The following AGBL4 variants were observed in gnomAD, a reference collection of about 807,000 sequenced individuals.
AGBL4 encodes the protein AGBL carboxypeptidase 4.
In AGBL4, 58 loss-of-function variants were observed where a neutral mutation model predicts 66.4. The ratio of observed to expected loss-of-function variants is 0.87; its 90% CI spans 0.71 to 1.09. AGBL4 has a LOEUF of 1.09. Among genes scored for constraint, AGBL4 ranks in the 50% least tolerant of loss-of-function variants. The pLI, the probability that AGBL4 is intolerant of heterozygous loss-of-function variation, is 0.00. For synonymous variants in AGBL4, 234 were observed against 222.9 expected (o/e 1.05, Z -0.44); for missense variants, 579 against 631.0 (o/e 0.92, Z 0.88).
intron 1 of AGBL4, among the ~76,000 whole-genome samples, chr1:49,902,281 G>A (rs1649833333): frequency 6.6e-6 from 1 of 152,120 alleles, no homozygotes; most frequent in Non-Finnish European, 1.5e-5. Flanking sequence ...TGTAAACTAT[G>A]CATCTGACAA....
Position 49,772,621 on chromosome 1 carries a change from T to C in AGBL4, c.158-75184A>G, listed in dbSNP as rs560983935. 6.6e-5 allele frequency among the ~76,000 whole-genome samples: 10 copies of C among 152,296 alleles called. No homozygotes were observed. The South Asian group carries it at 2.1e-3, about 32-fold the overall frequency. Reference sequence around the variant, plus strand: ...TTCTCTTTTATTCCTGACGTATGGATATAGTATTCTTTGCTCATGATTTTC... The same window carrying C: ...TTCTCTTTTATTCCTGACGTATGGACATAGTATTCTTTGCTCATGATTTTC... On this transcript the variant is annotated intron_variant, in intron 2 of 13. Transcript: ENST00000371839.
In AGBL4 at chr1:49,560,965, T is replaced by A. The variant is rs559015308; in HGVS notation, c.282+136348A>T. Among the ~76,000 whole-genome samples the A allele has an allele frequency of 4.6e-5, 7 of 152,222 alleles. No homozygotes were observed. In the South Asian group the frequency reaches 1.5e-3, roughly 32 times the overall value. ...CGTCCTAAAGGAATGCTAAAGGGACTTCGATCAGGAAGAAAAAGATGCCAG... is the reference window on the plus strand; with the variant it reads ...CGTCCTAAAGGAATGCTAAAGGGACATCGATCAGGAAGAAAAAGATGCCAG... On this transcript the variant is annotated intron_variant, in intron 3 of 13. Transcript: ENST00000371839.
chr1:49,190,983 T>C (rs1647107859), intron 4 of AGBL4, among the ~76,000 whole-genome samples: 1 of 152,134 alleles, frequency 6.6e-6, no homozygotes, highest in Admixed American at 6.6e-5. Context: ...CCATAAAGGG[T>C]TCCAAATTGG....
At chr1:49,319,821 A>T (rs1645100581) in intron 3 of AGBL4, among the ~76,000 whole-genome samples, 1 of 152,212 alleles carries the variant, frequency 6.6e-6, no homozygotes, top group South Asian at 2.1e-4. Flanking sequence ...GGCTAAATTC[A>T]TCCTTCCATA....
intron 3 of AGBL4, among the ~76,000 whole-genome samples, chr1:49,260,570 A>C (rs1188883446): frequency 6.6e-6 from 1 of 152,188 alleles, no homozygotes; most frequent in Non-Finnish European, 1.5e-5. Context: ...GAAATGGATA[A>C]ATTCCTCGAC....
rs1654583235 is a variant in AGBL4, at chr1:48,926,476, T to C, written c.595-59246A>G. On this transcript the variant is annotated intron_variant, in intron 5 of 13. Transcript: ENST00000371839. Reference sequence around the variant, plus strand: ...TTTTTTTTTGTATTTTTAGTAGAGATGGGGGTTTCACCATGTTGGCCAGGC... The same window carrying C: ...TTTTTTTTTGTATTTTTAGTAGAGACGGGGGTTTCACCATGTTGGCCAGGC... Among the ~76,000 whole-genome samples the C allele has an allele frequency of 2.0e-5, 3 of 149,418 alleles. No homozygotes were observed. In the South Asian group the frequency reaches 6.4e-4, roughly 32 times the overall value.
At chr1:49,823,778 A>ATGTGTATGTG (rs1553128693) in intron 2 of AGBL4, among the ~76,000 whole-genome samples, 1 of 147,478 alleles carries the variant, frequency 6.8e-6, no homozygotes, top group African/African-American at 2.5e-5. Context: ...AGGCTGCATA[A>ATGTGTATGTG]TGTGTGTGTG....
chr1:49,904,563 A>G (rs1433537326), intron 1 of AGBL4, among the ~76,000 whole-genome samples: 1 of 152,010 alleles, frequency 6.6e-6, no homozygotes, highest in African/African-American at 2.4e-5. Flanking sequence ...TAGTTGGAAA[A>G]CTCCAATAGC....
At chr1:49,801,115 C>G (rs1644850707) in intron 2 of AGBL4, among the ~76,000 whole-genome samples, 1 of 152,176 alleles carries the variant, frequency 6.6e-6, no homozygotes, top group African/African-American at 2.4e-5. Context: ...CTCATCATCA[C>G]TGGCCATCAG....
chr1:49,888,212 GAA>G, intron 1 of AGBL4, among the ~76,000 whole-genome samples: 1 of 152,208 alleles, frequency 6.6e-6, no homozygotes, highest in South Asian at 2.1e-4. Flanking sequence ...CTACTGGAAA[GAA>G]ATGTGAAAAA....
intron 2 of AGBL4, among the ~76,000 whole-genome samples, chr1:49,817,203 T>C (rs573074890): frequency 3.3e-5 from 5 of 152,246 alleles, no homozygotes; most frequent in African/African-American, 1.2e-4. Context: ...GTCAACCCTA[T>C]GGCAGGCAAG....
chr1:49,691,866 C>T (rs931182383), intron 3 of AGBL4, among the ~76,000 whole-genome samples: 1 of 152,112 alleles, frequency 6.6e-6, no homozygotes, highest in Non-Finnish European at 1.5e-5. Context: ...TTCATGCCCT[C>T]GAACATCGGA....
intron 4 of AGBL4, among the ~76,000 whole-genome samples, chr1:49,180,486 T>G (rs1332082239): frequency 5.3e-5 from 8 of 152,170 alleles, no homozygotes; most frequent in Admixed American, 5.2e-4. Flanking sequence ...TCAGAAAGGT[T>G]AAATCATCTT....
intron 1 of AGBL4, among the ~76,000 whole-genome samples, chr1:49,915,310 G>C (rs1651307517): frequency 6.6e-6 from 1 of 152,098 alleles, no homozygotes; most frequent in Non-Finnish European, 1.5e-5. Flanking sequence ...GGAAGTGCAA[G>C]GGGTCAGGGA....
chr1:48,880,630 TA>T (rs1411688929), intron 5 of AGBL4, among the ~76,000 whole-genome samples: 2 of 152,296 alleles, frequency 1.3e-5, no homozygotes, highest in Non-Finnish European at 1.5e-5. Context: ...CAACACCTAT[TA>T]TTTTTTTATT....
intron 4 of AGBL4, among the ~76,000 whole-genome samples, chr1:49,138,604 T>C (rs989096082): frequency 3.9e-5 from 6 of 152,214 alleles, no homozygotes; most frequent in African/African-American, 1.4e-4. Context: ...CTCATCCTAT[T>C]TGATCTTTCT....
At chr1:49,076,643 G>A (rs1571388989) in intron 4 of AGBL4, among the ~76,000 whole-genome samples, 1 of 152,294 alleles carries the variant, frequency 6.6e-6, no homozygotes, top group East Asian at 1.9e-4. Flanking sequence ...CATAGCATGT[G>A]CTTCCTAGAG....
rs149852112 is a variant in AGBL4 at position 49,345,705 on chromosome 1, T to C, written c.283-99841A>G. Among the ~76,000 whole-genome samples, 583 of 152,320 alleles carry C rather than the reference T, an allele frequency of 3.8e-3. 2 individuals carry two copies. Among genetic ancestry groups the C allele is most frequent in the Non-Finnish European group, 5.2e-3 (352 of 67,994 alleles). The stretch of plus-strand genomic sequence containing the variant: ...TAGCTTTTAACAATTGAGTAAAGTA[T>C]ACTCCTATAAACAAAATTTGGGGCA... On this transcript the variant is annotated intron_variant, in intron 3 of 13. Coordinates refer to ENST00000371839, the MANE Select transcript of AGBL4 (RefSeq NM_032785.4).
intron 3 of AGBL4, among the ~76,000 whole-genome samples, chr1:49,464,081 CA>C (rs1364275599): frequency 6.6e-6 from 1 of 151,566 alleles, no homozygotes; most frequent in Admixed American, 6.6e-5. Context: ...AAGAGAAAGA[CA>C]AACAGAATCA....
Sources: allele counts gnomAD v4.1 joint callset (sites outside exome capture counted in the v4.1 genomes callset), GRCh38; gene constraint gnomAD v4.1.1; transcripts MANE v1.5; gene names NCBI Gene and HGNC (gene_info 2026-07-23, HGNC 2026-07-21).